Variants in ASCC3 observed in about 807,000 individuals in gnomAD.
ASCC3 encodes activating signal cointegrator 1 complex subunit 3, also known as ASC-1 complex subunit P200.
Under a neutral mutation model 256.3 loss-of-function variants are expected in ASCC3, and 158 were observed. The observed-to-expected ratio is 0.62, with a 90% CI of 0.54 to 0.70. The LOEUF is 0.70. ASCC3 is among the 30% of genes least tolerant of loss of function. The pLI is 0.00. For missense variants in ASCC3, 2,259 were observed against 2,626.0 expected (o/e 0.86, Z 3.05); for synonymous variants, 948 against 883.4 (o/e 1.07, Z -1.30).
intron 13 of ASCC3, among the ~76,000 whole-genome samples, chr6:100,682,892 T>A (rs1029124493): frequency 1.3e-5 from 2 of 152,160 alleles, no homozygotes; most frequent in Non-Finnish European, 2.9e-5. Flanking sequence ...CTGCTGCTGC[T>A]TGTTAAAATA....
intron 10 of ASCC3, among the ~76,000 whole-genome samples, chr6:100,734,766 T>C (rs1780069193): frequency 6.6e-6 from 1 of 152,118 alleles, no homozygotes; most frequent in African/African-American, 2.4e-5. Flanking sequence ...AAGAATAAAA[T>C]CATAAGCAAG....
In ASCC3 at chr6:100,766,679, G is replaced by T. The variant is rs1400495812; in HGVS notation, c.1623C>A (p.Ala541=). 6.2e-7 allele frequency: 1 copy of T among 1,614,006 alleles called. No homozygotes were observed. The change falls in exon 10 of 42, where the codon GCC becomes GCA. Residue 541 remains alanine (A), a synonymous_variant. Transcript: ENST00000369162. ...AGTAATCTGTCATTTCAGCTGCCAA[G>T]GCTTTCATTGGAGCAACATATACAA... ...FKIVYVAPMK[A]LAAEMTDYFS...
intron 14 of ASCC3, among the ~76,000 whole-genome samples, chr6:100,668,728 T>A (rs550170124): frequency 1.3e-5 from 2 of 152,032 alleles, no homozygotes; most frequent in African/African-American, 4.8e-5. Context: ...AACTAAGTAC[T>A]CTTCAACCCC....
At chr6:100,552,082 A>C (rs1372237134) in intron 36 of ASCC3, among the ~76,000 whole-genome samples, 1 of 151,874 alleles carries the variant, frequency 6.6e-6, no homozygotes, top group Non-Finnish European at 1.5e-5. Context: ...AGAATTCAAT[A>C]TGATAGTGTT....
chr6:100,714,816 G>T (rs1043457003), intron 13 of ASCC3, among the ~76,000 whole-genome samples: 6 of 152,024 alleles, frequency 3.9e-5, no homozygotes, highest in African/African-American at 9.7e-5. Context: ...AGGAGGCAGT[G>T]TCCCATGCTC....
At chr6:100,711,796 A>T (rs1195530130) in intron 13 of ASCC3, among the ~76,000 whole-genome samples, 2 of 152,210 alleles carry the variant, frequency 1.3e-5, no homozygotes, top group African/African-American at 2.4e-5. Context: ...AAGAAATGCC[A>T]CCACAATTAA....
chr6:100,530,020 A>G (rs1774789933), intron 37 of ASCC3, among the ~76,000 whole-genome samples: 1 of 151,914 alleles, frequency 6.6e-6, no homozygotes, highest in Non-Finnish European at 1.5e-5. Flanking sequence ...TAGGAGGTAC[A>G]GGAATGGTGT....
At chr6:100,619,902 T>A (rs1305074517) in intron 30 of ASCC3, among the ~76,000 whole-genome samples, 3 of 152,100 alleles carry the variant, frequency 2.0e-5, no homozygotes, top group Admixed American at 6.6e-5. Flanking sequence ...TAGGACTAAG[T>A]GCTAAATGGA....
intron 36 of ASCC3, among the ~76,000 whole-genome samples, chr6:100,558,078 A>G (rs1582444937): frequency 6.6e-6 from 1 of 151,984 alleles, no homozygotes; most frequent in African/African-American, 2.4e-5. Context: ...TTTGAAAAAA[A>G]AAAAAACAAG....
intron 37 of ASCC3, among the ~76,000 whole-genome samples, chr6:100,528,692 C>T (rs1054744950): frequency 6.6e-6 from 1 of 152,010 alleles, no homozygotes; most frequent in Non-Finnish European, 1.5e-5. Flanking sequence ...ATGAAAGCTC[C>T]CCTACTAAAG....
chr6:100,736,692 T>C (rs1275932361), intron 10 of ASCC3, among the ~76,000 whole-genome samples: 1 of 152,186 alleles, frequency 6.6e-6, no homozygotes, highest in Non-Finnish European at 1.5e-5. Context: ...GCCCTTGGCC[T>C]AATGAGATGA....
intron 3 of ASCC3, 101 bp from the exon 4 acceptor site, chr6:100,848,808 C>G: frequency 8.6e-7 from 1 of 1,162,354 alleles, no homozygotes; most frequent in Non-Finnish European, 1.2e-6. Flanking sequence ...GTAAATCTAA[C>G]AGTCAAATCA....
intron 8 of ASCC3, among the ~76,000 whole-genome samples, chr6:100,798,473 G>GA (rs1202016654): frequency 3.3e-5 from 5 of 150,968 alleles, no homozygotes; most frequent in African/African-American, 7.3e-5. Context: ...AATCTTAGCT[G>GA]AAAAAAAACA....
intron 10 of ASCC3, among the ~76,000 whole-genome samples, chr6:100,762,580 C>T (rs938160899): frequency 6.6e-6 from 1 of 152,124 alleles, no homozygotes; most frequent in African/African-American, 2.4e-5. Flanking sequence ...TTTAGCTGTA[C>T]ACCAAAAAGG....
intron 37 of ASCC3, among the ~76,000 whole-genome samples, chr6:100,529,484 T>C (rs1774758262): frequency 6.6e-6 from 1 of 152,040 alleles, no homozygotes; most frequent in Non-Finnish European, 1.5e-5. Context: ...AATTACCAAA[T>C]CCCTCTTAGA....
intron 34 of ASCC3, among the ~76,000 whole-genome samples, chr6:100,598,484 C>CT (rs11448655): frequency 0.52 from 78,525 of 151,940 alleles, 20,508 homozygotes; most frequent in East Asian, 0.68. Flanking sequence ...TAATAAACCT[C>CT]TTAAGATTTC....
chr6:100,705,294 G>A (rs1327620121), intron 13 of ASCC3, among the ~76,000 whole-genome samples: 6 of 151,970 alleles, frequency 3.9e-5, no homozygotes, highest in Admixed American at 2.6e-4. Flanking sequence ...TTAAGTACAC[G>A]AGCACGCAAG....
At position 100,555,730 on chromosome 6, in the gene ASCC3, A is replaced by C. The variant is rs114827063; in HGVS notation, c.5551-15343T>G. 5.3e-3 allele frequency among the ~76,000 whole-genome samples: 810 copies of C among 152,368 alleles called. 9 individuals carry two copies. Among genetic ancestry groups the C allele is most frequent in the African/African-American group, 0.019 (779 of 41,590 alleles). On this transcript the variant is annotated intron_variant, in intron 36 of 41. Coordinates refer to ENST00000369162, the MANE Select transcript of ASCC3 (RefSeq NM_006828.4). ...AGATATTTTCCTTTTAAGAAATAAA[A>C]ATCTCAAGGCTGTCAGGTTTGAATC...
intron 4 of ASCC3, among the ~76,000 whole-genome samples, chr6:100,840,187 C>A (rs560538856): frequency 6.6e-6 from 1 of 152,126 alleles, no homozygotes; most frequent in Non-Finnish European, 1.5e-5. Context: ...TATATACCCA[C>A]AAATTAAAGA....
Sources: gnomAD v4.1 joint callset for allele counts (sites outside exome capture counted in the v4.1 genomes callset) on GRCh38, gnomAD v4.1.1 for gene constraint, MANE v1.5 for transcripts, NCBI Gene and HGNC (gene_info 2026-07-23, HGNC 2026-07-21) for gene names.